The following CCDC66 variants were observed in gnomAD, a reference collection of about 807,000 sequenced individuals.
The protein encoded by CCDC66 is coiled-coil domain-containing protein 66.
Under a neutral mutation model 128.3 loss-of-function variants are expected in CCDC66, and 133 were observed. The ratio of observed to expected loss-of-function variants is 1.04; its 90% confidence interval spans 0.90 to 1.20. CCDC66 has a LOEUF of 1.20. Ranked by LOEUF, CCDC66 falls within the 50% of genes most tolerant of loss-of-function variation. The pLI is 0.00. For missense variants in CCDC66, 1,126 were observed against 1,075.5 expected, an observed-to-expected ratio of 1.05 and a Z score of -0.66; for synonymous variants, 387 against 357.0, an observed-to-expected ratio of 1.08 and a Z score of -0.95.
Position 56,593,883 on chromosome 3 carries a change from AT to A in CCDC66, c.1320-58del. The A allele has an allele frequency of 3.1e-6, 5 of 1,592,942 alleles. No homozygotes were observed. The South Asian group carries it at 4.5e-5, about 14-fold the overall frequency. On this transcript the variant is annotated intron_variant, in intron 9 of 17. Coordinates refer to ENST00000394672, the MANE Select transcript of CCDC66 (RefSeq NM_001141947.3). ...AGTAGATTTATCCCAAACAAAAATG[AT>A]TTAGCTTGTTGAATCTACCTTTTTG...
chr3:56,615,112 A>G lies in CCDC66; in HGVS notation c.1567-16A>G, dbSNP rs1249793705. ...ATGTTTAATAGATGAATTTAGTAAC[A>G]CATCAATATTGACAGGAAATCATGA... On this transcript the variant is annotated splice_polypyrimidine_tract_variant and intron_variant, in intron 11 of 17. Coordinates refer to ENST00000394672, the MANE Select transcript of CCDC66 (RefSeq NM_001141947.3). 1 of 1,608,638 alleles carries G rather than the reference A, an allele frequency of 6.2e-7. No homozygotes were observed. Among genetic ancestry groups the G allele is most frequent in the African/African-American group, 1.3e-5 (1 of 74,586 alleles).
chr3:56,585,118 GGGGAGAGGGAGAGGGAGGGAGA>G (rs1226610639), intron 7 of CCDC66, among the ~76,000 whole-genome samples: 1 of 118,218 alleles, frequency 8.5e-6, no homozygotes, highest in Non-Finnish European at 2.2e-5. Flanking sequence ...GGAGGGGGAG[GGGGAGAGGGAGAGGGAGGGAGA>G]GGGAGAGGGA....
At chr3:56,608,510 T>A (rs150629032) in intron 10 of CCDC66, among the ~76,000 whole-genome samples, 92 of 152,320 alleles carry the variant, frequency 6.0e-4, no homozygotes, top group African/African-American at 2.0e-3. Context: ...TTGGATTTTC[T>A]CTGTTCTTTT....
At chr3:56,609,869 A>T (rs2074560318) in intron 10 of CCDC66, among the ~76,000 whole-genome samples, 1 of 152,116 alleles carries the variant, frequency 6.6e-6, no homozygotes, top group East Asian at 1.9e-4. Context: ...TTGGCTGATA[A>T]TTTTTTTGTT....
At chr3:56,577,274 AT>A (rs990301649) in intron 7 of CCDC66, among the ~76,000 whole-genome samples, 3 of 150,958 alleles carry the variant, frequency 2.0e-5, no homozygotes, top group African/African-American at 7.3e-5. Context: ...GAGTTGTTTG[AT>A]TTTTTCTTAT....
At chr3:56,593,187 T>C in intron 8 of CCDC66, 86 bp downstream of exon 8, 1 of 1,116,972 alleles carries the variant, frequency 9.0e-7, no homozygotes, top group Non-Finnish European at 1.3e-6. Flanking sequence ...CTGAAACTCT[T>C]GACAAGACCA....
In CCDC66 at chr3:56,575,889, T is replaced by C. The variant is rs77519517; in HGVS notation, c.936+4587T>C. On this transcript the variant is annotated intron_variant, in intron 7 of 17. Transcript: ENST00000394672. ...TTGTCCATAACTATTTCACTGTGTA[T>C]GTGAGGATTTATTTCTGGTCTCCTC... 5.8e-3 allele frequency among the ~76,000 whole-genome samples: 885 copies of C among 151,958 alleles called. 18 individuals are homozygous for C. Among genetic ancestry groups the C allele is most frequent in the African/African-American group, 0.021 (853 of 41,542 alleles).
At chr3:56,591,434 G>A (rs2070875903) in intron 7 of CCDC66, among the ~76,000 whole-genome samples, 1 of 152,096 alleles carries the variant, frequency 6.6e-6, no homozygotes, top group African/African-American at 2.4e-5. Flanking sequence ...CACACTGCAA[G>A]AAGAAAAACG....
intron 10 of CCDC66, among the ~76,000 whole-genome samples, chr3:56,595,619 T>A (rs895990745): frequency 6.6e-6 from 1 of 152,256 alleles, no homozygotes; most frequent in Non-Finnish European, 1.5e-5. Context: ...ATTGTGTATA[T>A]ACCACATTTT....
At chr3:56,585,628 AT>A (rs1228834681) in intron 7 of CCDC66, among the ~76,000 whole-genome samples, 2 of 151,860 alleles carry the variant, frequency 1.3e-5, no homozygotes, top group African/African-American at 4.8e-5. Flanking sequence ...TTCTTCAAGC[AT>A]TTAAATATGA....
chr3:56,615,601 TTAAAC>T (rs1210917404), intron 12 of CCDC66, among the ~76,000 whole-genome samples: 3 of 152,180 alleles, frequency 2.0e-5, no homozygotes, highest in Non-Finnish European at 1.5e-5. Context: ...ATATCAGACT[TTAAAC>T]TAGTATAATT....
At position 56,621,651 on chromosome 3, in the gene CCDC66, G is replaced by C. The variant is rs373963574; in HGVS notation, c.*33G>C. The C allele has an allele frequency of 1.6e-5, 23 of 1,430,400 alleles. No individual in the cohort carries two copies. Among genetic ancestry groups the C allele is most frequent in the Non-Finnish European group, 2.2e-5 (23 of 1,030,960 alleles). 88.6% of individuals were successfully genotyped at this position (1,430,400 alleles called of 1,614,324 possible). On this transcript the variant is annotated 3_prime_UTR_variant, in exon 18 of 18. Transcript: ENST00000394672. Reference sequence around the variant, plus strand: ...AAATCAAATCCTTCACATTTGATTTGTGTCTTCCAAATTATAAAATGTGCT... The same window carrying C: ...AAATCAAATCCTTCACATTTGATTTCTGTCTTCCAAATTATAAAATGTGCT...
intron 2 of CCDC66, 117 bp from the exon 3 acceptor site, chr3:56,559,452 T>G (rs1264748639): frequency 3.1e-6 from 2 of 643,936 alleles, no homozygotes; most frequent in African/African-American, 3.9e-5. Context: ...AGTTTATGCT[T>G]TCGAGGATAA....
intron 6 of CCDC66, 107 bp downstream of exon 6, chr3:56,567,160 G>C (rs2065967222): frequency 1.4e-6 from 1 of 735,876 alleles, no homozygotes; most frequent in African/African-American, 1.8e-5. Flanking sequence ...GGGAAGCCGA[G>C]GTGGGTGGAT....
At chr3:56,571,374 A>T in intron 7 of CCDC66, 72 bp downstream of exon 7, 1 of 955,896 alleles carries the variant, frequency 1.0e-6, no homozygotes, top group African/African-American at 4.3e-5. Flanking sequence ...TTTAAAGCTT[A>T]TTAAAAAAAA....
intron 7 of CCDC66, among the ~76,000 whole-genome samples, chr3:56,589,041 CA>C (rs1391604202): frequency 6.6e-6 from 1 of 152,022 alleles, no homozygotes; most frequent in Non-Finnish European, 1.5e-5. Context: ...ATAAAATTAA[CA>C]AAGCCAAAAG....
intron 10 of CCDC66, among the ~76,000 whole-genome samples, chr3:56,606,431 C>T (rs2074077895): frequency 6.6e-6 from 1 of 152,096 alleles, no homozygotes; most frequent in Admixed American, 6.5e-5. Flanking sequence ...ATCTCCTGGT[C>T]TGCGGGTGGC....
At chr3:56,592,078 C>G (rs2071006739) in intron 7 of CCDC66, among the ~76,000 whole-genome samples, 1 of 151,960 alleles carries the variant, frequency 6.6e-6, no homozygotes, top group South Asian at 2.1e-4. Context: ...TTACTTTTTC[C>G]TTAAGATTCA....
chr3:56,579,609 G>A (rs971048429), intron 7 of CCDC66, among the ~76,000 whole-genome samples: 5 of 58,766 alleles, frequency 8.5e-5, no homozygotes, highest in Admixed American at 2.3e-4. Context: ...GGTATGTTGT[G>A]TCTTTGTTCT....
Sources: allele counts gnomAD v4.1 joint callset (sites outside exome capture counted in the v4.1 genomes callset), GRCh38; gene constraint gnomAD v4.1.1; transcripts MANE v1.5; gene names NCBI Gene and HGNC (gene_info 2026-07-23, HGNC 2026-07-21).